The following CEP128 variants were observed in gnomAD, a reference collection of about 807,000 sequenced individuals.
CEP128 encodes the protein centrosomal protein 128kDa.
In CEP128, 132 loss-of-function variants were observed where a neutral mutation model predicts 156.7. The observed-to-expected ratio is 0.84, with a 90% CI of 0.73 to 0.97. CEP128 has a LOEUF of 0.97. Among genes scored for constraint, CEP128 ranks in the 50% least tolerant of loss-of-function variants. The pLI is 0.00. For synonymous variants in CEP128, 469 were observed against 448.9 expected, an observed-to-expected ratio of 1.04 and a Z score of -0.57; for missense variants, 1,252 against 1,281.9, an observed-to-expected ratio of 0.98 and a Z score of 0.36.
rs149136454 is a variant in CEP128, at chr14:80,726,519, T to G, written c.2806+16556A>C. On this transcript the variant is annotated intron_variant, in intron 19 of 24. Coordinates refer to ENST00000555265, the MANE Select transcript of CEP128 (RefSeq NM_152446.5). ...AATTGTCTTTTATCTGAATTAACAT[T>G]TTAAATTCCCTAAAAGCAGAGAGTG... is the stretch of plus-strand genomic sequence containing the variant. Among the ~76,000 whole-genome samples, 94 of 152,330 alleles carry G rather than the reference T, an allele frequency of 6.2e-4. 1 individual carries two copies. The East Asian group carries it at 0.012, about 19-fold the overall frequency.
chr14:80,761,166 T>C (rs1899945015), intron 17 of CEP128, among the ~76,000 whole-genome samples: 1 of 151,610 alleles, frequency 6.6e-6, no homozygotes, highest in Non-Finnish European at 1.5e-5. Context: ...TCCAGGCCTC[T>C]TGACTCCAAG....
chr14:80,602,347 C>T (rs528228827), intron 19 of CEP128, among the ~76,000 whole-genome samples: 1 of 152,178 alleles, frequency 6.6e-6, no homozygotes, highest in African/African-American at 2.4e-5. Flanking sequence ...GCCTGAACAA[C>T]AGTCTAAACC....
chr14:80,626,696 G>A (rs777962477), intron 19 of CEP128, among the ~76,000 whole-genome samples: 47 of 149,934 alleles, frequency 3.1e-4, no homozygotes, highest in Non-Finnish European at 5.7e-4. Flanking sequence ...CTTTAGGCCA[G>A]TGAAGCCAAT....
intron 20 of CEP128, among the ~76,000 whole-genome samples, chr14:80,561,048 T>C (rs1890650636): frequency 6.6e-6 from 1 of 152,148 alleles, no homozygotes; most frequent in Non-Finnish European, 1.5e-5. Flanking sequence ...AGAAGCAGAA[T>C]GAACTTGGCC....
chr14:80,932,179 C>A (rs1362866228), intron 2 of CEP128, among the ~76,000 whole-genome samples: 1 of 152,236 alleles, frequency 6.6e-6, no homozygotes, highest in Non-Finnish European at 1.5e-5. Flanking sequence ...TTTCCTGAGG[C>A]CTCCGCAGCC....
chr14:80,857,088 T>C (rs1027262392), intron 9 of CEP128, among the ~76,000 whole-genome samples: 18 of 151,938 alleles, frequency 1.2e-4, no homozygotes, highest in African/African-American at 4.4e-4. Flanking sequence ...GATGAAGAAA[T>C]AATATTCAAT....
At chr14:80,648,204 G>T (rs1006202024) in intron 19 of CEP128, among the ~76,000 whole-genome samples, 1 of 151,958 alleles carries the variant, frequency 6.6e-6, no homozygotes, top group Non-Finnish European at 1.5e-5. Context: ...CAGGAGAGCA[G>T]TTGGAGTTTA....
chr14:80,812,266 G>A (rs181524683), intron 13 of CEP128, among the ~76,000 whole-genome samples: 1 of 152,216 alleles, frequency 6.6e-6, no homozygotes, highest in East Asian at 1.9e-4. Context: ...AGTATTCCAT[G>A]GTGTATATGT....
chr14:80,720,790 G>A (rs1197442068), intron 19 of CEP128, among the ~76,000 whole-genome samples: 2 of 152,146 alleles, frequency 1.3e-5, no homozygotes, highest in Admixed American at 1.3e-4. Context: ...AAACTAGTCT[G>A]AATGGAAAAT....
chr14:80,563,657 C>T (rs2140385241), intron 20 of CEP128, among the ~76,000 whole-genome samples: 1 of 150,924 alleles, frequency 6.6e-6, no homozygotes, highest in East Asian at 2.0e-4. Context: ...TCTCAGGCTC[C>T]CGAGTAGCTG....
intron 17 of CEP128, among the ~76,000 whole-genome samples, chr14:80,759,384 G>T (rs1382190474): frequency 1.3e-5 from 2 of 152,120 alleles, no homozygotes; most frequent in African/African-American, 4.8e-5. Context: ...AAATGACTAA[G>T]TGGAATTATT....
intron 19 of CEP128, among the ~76,000 whole-genome samples, chr14:80,693,569 T>C (rs1896789338): frequency 6.6e-6 from 1 of 152,158 alleles, no homozygotes; most frequent in Non-Finnish European, 1.5e-5. Flanking sequence ...AGTCATCAAA[T>C]ATCTTAAAGA....
chr14:80,799,670 C>T (rs1313607560), intron 13 of CEP128, among the ~76,000 whole-genome samples: 5 of 152,042 alleles, frequency 3.3e-5, no homozygotes, highest in Non-Finnish European at 5.9e-5. Flanking sequence ...TATAAACGGC[C>T]GCTCTGGGAA....
In CEP128 at chr14:80,537,875, C is replaced by A. The variant is rs187868666; in HGVS notation, c.2881-6989G>T. Among the ~76,000 whole-genome samples the A allele has an allele frequency of 7.5e-4, 114 of 152,220 alleles. 1 individual carries two copies. Among genetic ancestry groups the A allele is most frequent in the African/African-American group, 2.7e-3 (114 of 41,528 alleles). ...TATATGCTGCATTGGAAATCAGCAT[C>A]CCTAATTTGTGGATATTCATAGTTC... On this transcript the variant is annotated intron_variant, in intron 21 of 24. Coordinates refer to ENST00000555265, the MANE Select transcript of CEP128 (RefSeq NM_152446.5).
At position 80,678,048 on chromosome 14, in the gene CEP128, A is replaced by AT. The variant is rs60543090; in HGVS notation, c.2806+65026_2806+65027insA. Among the ~76,000 whole-genome samples, 557 of 133,932 alleles carry AT rather than the reference A, an allele frequency of 4.2e-3. 9 individuals are homozygous for AT. The highest frequency in any genetic ancestry group is 0.027 in the Middle Eastern group (7 of 262). 87.9% of individuals were successfully genotyped at this position (133,932 alleles called of 152,430 possible). ...CATGGACAGTTGCTCTATAAAAAAA[A>AT]AATATATATATATATGTATATATAT... On this transcript the variant is annotated intron_variant, in intron 19 of 24. Coordinates refer to ENST00000555265, the MANE Select transcript of CEP128 (RefSeq NM_152446.5).
At chr14:80,901,154 C>G (rs1232222930) in intron 6 of CEP128, among the ~76,000 whole-genome samples, 2 of 150,808 alleles carry the variant, frequency 1.3e-5, no homozygotes, top group African/African-American at 4.9e-5. Flanking sequence ...TGCAGTGAGC[C>G]GAGATCGCGC....
At chr14:80,845,613 ATCT>A (rs907670677) in intron 9 of CEP128, among the ~76,000 whole-genome samples, 13 of 152,214 alleles carry the variant, frequency 8.5e-5, no homozygotes, top group African/African-American at 3.1e-4. Flanking sequence ...CAAGTTGTAT[ATCT>A]TTGAACAGAA....
chr14:80,715,344 A>T (rs1897566354), intron 19 of CEP128, among the ~76,000 whole-genome samples: 1 of 152,238 alleles, frequency 6.6e-6, no homozygotes, highest in South Asian at 2.1e-4. Flanking sequence ...CATAATTTGA[A>T]AAATATATAA....
chr14:80,552,309 C>CAA (rs10717714), intron 21 of CEP128, among the ~76,000 whole-genome samples: 19 of 137,370 alleles, frequency 1.4e-4, no homozygotes, highest in African/African-American at 4.8e-4. Flanking sequence ...AACTCCATCT[C>CAA]AAAAAAAAAA....
Sources: allele counts gnomAD v4.1 joint callset (sites outside exome capture counted in the v4.1 genomes callset), GRCh38; gene constraint gnomAD v4.1.1; transcripts MANE v1.5; gene names NCBI Gene and HGNC (gene_info 2026-07-23, HGNC 2026-07-21).